The following SNTG1 variants were observed in gnomAD, a reference collection of about 807,000 sequenced individuals.
The protein encoded by SNTG1 is gamma-1-syntrophin.
In SNTG1, 39 loss-of-function variants were observed where a neutral mutation model predicts 74.7. The observed-to-expected ratio is 0.52, with a 90% CI of 0.40 to 0.68. The LOEUF (loss-of-function observed/expected upper bound fraction) is 0.68. Among genes scored for constraint, SNTG1 ranks in the 30% least tolerant of loss-of-function variants. The pLI is 0.00. For missense variants in SNTG1, 685 were observed against 609.5 expected, an observed-to-expected ratio of 1.12 and a Z score of -1.30; for synonymous variants, 254 against 217.1, an observed-to-expected ratio of 1.17 and a Z score of -1.49.
intron 17 of SNTG1, among the ~76,000 whole-genome samples, chr8:50,729,977 C>G (rs2095509069): frequency 6.6e-6 from 1 of 152,076 alleles, no homozygotes; most frequent in Non-Finnish European, 1.5e-5. Flanking sequence ...CTAACCCTGA[C>G]CTGGAGGGAG....
chr8:50,744,488 A>T (rs920069822), intron 17 of SNTG1, among the ~76,000 whole-genome samples: 1 of 152,048 alleles, frequency 6.6e-6, no homozygotes, highest in Admixed American at 6.6e-5. Context: ...TTAAGATGAC[A>T]ATATGATACA....
At chr8:50,031,346 T>C (rs1270873221) in intron 1 of SNTG1, among the ~76,000 whole-genome samples, 2 of 152,082 alleles carry the variant, frequency 1.3e-5, no homozygotes, top group Non-Finnish European at 2.9e-5. Context: ...TTACTTGCCT[T>C]ACTGGACTGT....
At chr8:50,301,895 T>G (rs2089667327) in intron 2 of SNTG1, among the ~76,000 whole-genome samples, 1 of 151,862 alleles carries the variant, frequency 6.6e-6, no homozygotes, top group South Asian at 2.1e-4. Context: ...CTCGCTCTGT[T>G]GCCCAGGCTG....
chr8:50,603,645 C>T (rs1268186553), intron 13 of SNTG1, among the ~76,000 whole-genome samples: 1 of 152,014 alleles, frequency 6.6e-6, no homozygotes, highest in African/African-American at 2.4e-5. Context: ...TTGTTAGTAC[C>T]TTTCTTTCTT....
intron 1 of SNTG1, among the ~76,000 whole-genome samples, chr8:50,101,214 C>T (rs1344435208): frequency 6.6e-6 from 1 of 152,008 alleles, no homozygotes; most frequent in Admixed American, 6.6e-5. Flanking sequence ...TATGTCTTTG[C>T]TAATGATAAT....
chr8:50,374,319 G>T (rs1216598402), intron 2 of SNTG1, among the ~76,000 whole-genome samples: 1 of 152,136 alleles, frequency 6.6e-6, no homozygotes, highest in Non-Finnish European at 1.5e-5. Context: ...GCTATTTTTG[G>T]AGTCCTGGAA....
At chr8:50,042,608 G>A (rs1818734364) in intron 1 of SNTG1, among the ~76,000 whole-genome samples, 1 of 152,172 alleles carries the variant, frequency 6.6e-6, no homozygotes, top group African/African-American at 2.4e-5. Flanking sequence ...CATTGATGAA[G>A]TGCAGTGGTG....
In SNTG1 at chr8:50,378,435, T is replaced by A. The variant is rs2092426101; in HGVS notation, c.-27-15777T>A. Among the ~76,000 whole-genome samples, 4 of 152,288 alleles carry A rather than the reference T, an allele frequency of 2.6e-5. No homozygotes were observed. The South Asian group carries it at 8.3e-4, about 32-fold the overall frequency. On this transcript the variant is annotated intron_variant, in intron 2 of 18. Coordinates refer to ENST00000642720, the MANE Select transcript of SNTG1 (RefSeq NM_018967.5). The stretch of plus-strand genomic sequence containing the variant: ...CCTGCAACATGATGAGCAAGGGGCA[T>A]GTTTCAGCCCTGCTGGTGTTACAGC...
At position 50,123,299 on chromosome 8, in the gene SNTG1, A is replaced by C. The variant is rs547039719; in HGVS notation, c.-102-49262A>C. Among the ~76,000 whole-genome samples, 22 of 143,000 alleles carry C rather than the reference A, an allele frequency of 1.5e-4. 4 individuals are homozygous for C. The highest frequency in any genetic ancestry group is 3.0e-4 in the Non-Finnish European group (19 of 64,030). The allele number at this position is 143,000 out of a possible 152,430, so 93.8% of individuals were successfully genotyped here. ...TAAAAGCATAGATATTTAAACTGCC[A>C]GACAGTTAATTTGAGAAAATGAATG... On this transcript the variant is annotated intron_variant, in intron 1 of 18. Transcript: ENST00000642720.
Position 50,357,297 on chromosome 8 carries a change from G to T in SNTG1, c.-27-36915G>T, listed in dbSNP as rs140692152. Among the ~76,000 whole-genome samples, 1,362 of 152,312 alleles carry T rather than the reference G, an allele frequency of 8.9e-3. 11 individuals are homozygous for T. The highest frequency in any genetic ancestry group is 0.016 in the Non-Finnish European group (1,065 of 68,024). ...TACATCCCTGTATTCCCACAGTGGGGACTATCCTGCCATGTAGAAGTTAAT... is the reference window on the plus strand; with the variant it reads ...TACATCCCTGTATTCCCACAGTGGGTACTATCCTGCCATGTAGAAGTTAAT... On this transcript the variant is annotated intron_variant, in intron 2 of 18. Coordinates refer to ENST00000642720, the MANE Select transcript of SNTG1 (RefSeq NM_018967.5).
chr8:50,272,905 TAAAA>T (rs3086115), intron 2 of SNTG1, among the ~76,000 whole-genome samples: 1 of 140,254 alleles, frequency 7.1e-6, no homozygotes, highest in African/African-American at 2.6e-5. Context: ...CCTGGATACT[TAAAA>T]AAAAAAAAAA....
At chr8:49,950,437 T>A (rs1266081666) in intron 1 of SNTG1, among the ~76,000 whole-genome samples, 2 of 152,204 alleles carry the variant, frequency 1.3e-5, no homozygotes, top group African/African-American at 4.8e-5. Flanking sequence ...CTAATATTTA[T>A]GCTATTTTTA....
intron 2 of SNTG1, among the ~76,000 whole-genome samples, chr8:50,380,241 C>T (rs890603430): frequency 4.6e-5 from 7 of 152,200 alleles, no homozygotes; most frequent in African/African-American, 1.4e-4. Flanking sequence ...AAATGAAACT[C>T]AAGTGACTGT....
At chr8:50,576,203 T>C (rs2094575896) in intron 12 of SNTG1, among the ~76,000 whole-genome samples, 2 of 152,206 alleles carry the variant, frequency 1.3e-5, no homozygotes, top group South Asian at 4.1e-4. Flanking sequence ...CATATGAATT[T>C]CCAGTTTTCT....
At chr8:50,004,597 T>C (rs1160017479) in intron 1 of SNTG1, among the ~76,000 whole-genome samples, 2 of 152,070 alleles carry the variant, frequency 1.3e-5, no homozygotes, top group Admixed American at 6.5e-5. Flanking sequence ...TTTTTCTCCA[T>C]AGAAAAAGAA....
chr8:50,070,292 A>T (rs964908027), intron 1 of SNTG1, among the ~76,000 whole-genome samples: 5 of 152,184 alleles, frequency 3.3e-5, no homozygotes, highest in African/African-American at 1.2e-4. Context: ...AGATTAAAAA[A>T]ATTGTTCATT....
chr8:50,730,248 G>GCCGAGTGTGGT lies in SNTG1; in HGVS notation c.1284+21271_1284+21272insCGAGTGTGGTC, dbSNP rs1563788413. 8.9e-4 allele frequency among the ~76,000 whole-genome samples: 136 copies of GCCGAGTGTGGT among 152,288 alleles called. 1 individual carries two copies. Among genetic ancestry groups the GCCGAGTGTGGT allele is most frequent in the Middle Eastern group, 6.8e-3 (2 of 294 alleles). On this transcript the variant is annotated intron_variant, in intron 17 of 18. Coordinates refer to ENST00000642720, the MANE Select transcript of SNTG1 (RefSeq NM_018967.5). ...TGGAAAGACATGCTTAGTTTTCTCT[G>GCCGAGTGTGGT]CTAAGTGGAGGGGGCTATGCCACAT...
Position 50,751,908 on chromosome 8 carries a change from G to T in SNTG1, c.1285-93G>T, listed in dbSNP as rs2095568218. The T allele has an allele frequency of 4.4e-6, 3 of 681,662 alleles. No homozygotes were observed. The South Asian group carries it at 7.2e-5, about 16-fold the overall frequency. The allele number at this position is 681,662 out of a possible 1,614,324, so 42.2% of individuals were successfully genotyped here. ...TTGGGACATAGTACTAACTTTGTATGATTAACTTTTACCATTTAAAAAAGA... is the reference window on the plus strand; with the variant it reads ...TTGGGACATAGTACTAACTTTGTATTATTAACTTTTACCATTTAAAAAAGA... On this transcript the variant is annotated intron_variant, in intron 17 of 18. Transcript: ENST00000642720.
chr8:50,651,976 C>G (rs1351221464), intron 13 of SNTG1, among the ~76,000 whole-genome samples: 1 of 151,940 alleles, frequency 6.6e-6, no homozygotes, highest in African/African-American at 2.4e-5. Flanking sequence ...TCTCGAACCC[C>G]CGACCTCAGG....
Sources: gnomAD v4.1 joint callset for allele counts (sites outside exome capture counted in the v4.1 genomes callset) on GRCh38, gnomAD v4.1.1 for gene constraint, MANE v1.5 for transcripts, NCBI Gene and HGNC (gene_info 2026-07-23, HGNC 2026-07-21) for gene names.